The following LRRTM3 variants were observed in gnomAD, a reference collection of about 807,000 sequenced individuals.
LRRTM3 encodes the protein leucine rich repeat transmembrane neuronal 3, also known as leucine-rich repeat transmembrane neuronal protein 3.
In LRRTM3, 24 loss-of-function variants were observed where a neutral mutation model predicts 44.7. That is an observed-to-expected ratio of 0.54 (90% CI 0.39 to 0.76). LRRTM3 has a LOEUF of 0.76. Ranked by LOEUF, LRRTM3 falls within the 30% of genes least tolerant of loss-of-function variation. The pLI is 0.00. For missense variants in LRRTM3, 587 were observed against 702.2 expected, an observed-to-expected ratio of 0.84 and a Z score of 1.85; for synonymous variants, 277 against 278.7, an observed-to-expected ratio of 0.99 and a Z score of 0.06.
At chr10:67,022,810 C>T (rs1379004271) in intron 2 of LRRTM3, among the ~76,000 whole-genome samples, 8 of 151,858 alleles carry the variant, frequency 5.3e-5, no homozygotes, top group African/African-American at 1.5e-4. Context: ...TGGTGGTGCA[C>T]GCCTATAATC....
At position 67,041,198 on chromosome 10, in the gene LRRTM3, A is replaced by T. The variant is rs376444295; in HGVS notation, c.1537-56389A>T. Among the ~76,000 whole-genome samples the T allele has an allele frequency of 1.6e-4, 24 of 152,184 alleles. No individual in the cohort carries two copies. In the South Asian group the frequency reaches 3.9e-3, roughly 25 times the overall value. On this transcript the variant is annotated intron_variant, in intron 2 of 2. Coordinates refer to ENST00000361320, the MANE Select transcript of LRRTM3 (RefSeq NM_178011.5). ...TGCCAGAGCAAATAGTACTGAAGAAAATCAAACTTGTCAGAATAGATTTTC... is the reference window on the plus strand; with the variant it reads ...TGCCAGAGCAAATAGTACTGAAGAATATCAAACTTGTCAGAATAGATTTTC...
At chr10:66,977,813 C>T (rs1016230501) in intron 2 of LRRTM3, among the ~76,000 whole-genome samples, 2 of 152,182 alleles carry the variant, frequency 1.3e-5, no homozygotes, top group Non-Finnish European at 2.9e-5. Context: ...CCAATTGTCA[C>T]TAAAGATATG....
intron 2 of LRRTM3, among the ~76,000 whole-genome samples, chr10:67,018,697 C>T (rs529751530): frequency 6.6e-6 from 1 of 152,314 alleles, no homozygotes; most frequent in East Asian, 1.9e-4. Context: ...CTCTCTGTGC[C>T]TCAGTTTCCT....
At chr10:66,998,534 T>C (rs1332950845) in intron 2 of LRRTM3, among the ~76,000 whole-genome samples, 3 of 151,842 alleles carry the variant, frequency 2.0e-5, no homozygotes, top group African/African-American at 4.8e-5. Flanking sequence ...CACAGAAAAG[T>C]TGAAAATAAA....
chr10:66,935,863 T>G (rs1847667163), intron 2 of LRRTM3, among the ~76,000 whole-genome samples: 1 of 150,634 alleles, frequency 6.6e-6, no homozygotes, highest in Non-Finnish European at 1.5e-5. Context: ...CCTATACATT[T>G]TCACTTCTTT....
chr10:66,929,131 C>G (rs552278353), intron 2 of LRRTM3, among the ~76,000 whole-genome samples: 1 of 152,168 alleles, frequency 6.6e-6, no homozygotes, highest in Non-Finnish European at 1.5e-5. Flanking sequence ...GAGGAGATGA[C>G]AAAAATGTAA....
intron 2 of LRRTM3, among the ~76,000 whole-genome samples, chr10:67,014,505 T>A (rs537230691): frequency 6.1e-4 from 93 of 152,254 alleles, no homozygotes; most frequent in Admixed American, 3.1e-3. Context: ...CAAAATTAGT[T>A]TTTAGATTAA....
At chr10:66,941,421 G>A (rs1325266892) in intron 2 of LRRTM3, among the ~76,000 whole-genome samples, 2 of 152,158 alleles carry the variant, frequency 1.3e-5, no homozygotes, top group East Asian at 1.9e-4. Flanking sequence ...AATATCTTAG[G>A]TTCCTCTCAA....
intron 2 of LRRTM3, among the ~76,000 whole-genome samples, chr10:66,949,383 C>A (rs1467714959): frequency 1.3e-5 from 2 of 152,020 alleles, no homozygotes; most frequent in Non-Finnish European, 2.9e-5. Context: ...ATGGAGAAAC[C>A]CCGTCTCTAC....
intron 2 of LRRTM3, among the ~76,000 whole-genome samples, chr10:67,009,138 C>A (rs533385880): frequency 2.0e-4 from 30 of 152,126 alleles, no homozygotes; most frequent in Non-Finnish European, 2.9e-5. Flanking sequence ...TATTTATTAA[C>A]CTTACCGTGA....
chr10:66,946,224 A>G (rs909799117), intron 2 of LRRTM3, among the ~76,000 whole-genome samples: 1 of 152,120 alleles, frequency 6.6e-6, no homozygotes, highest in Non-Finnish European at 1.5e-5. Context: ...TCTGTGAGAA[A>G]ATAGAGAGGG....
intron 2 of LRRTM3, among the ~76,000 whole-genome samples, chr10:67,020,193 C>A (rs1852916067): frequency 6.6e-6 from 1 of 152,036 alleles, no homozygotes; most frequent in African/African-American, 2.4e-5. Flanking sequence ...ATGGGTGAGC[C>A]ACCTCAATCT....
In LRRTM3 at chr10:66,926,317, C is replaced by T; in HGVS notation, c.-267C>T. 1 of 474,608 alleles carries T rather than the reference C, an allele frequency of 2.1e-6. No individual in the cohort carries two copies. The highest frequency in any genetic ancestry group is 4.1e-5 in the East Asian group (1 of 24,262). 29.4% of individuals were successfully genotyped at this position (474,608 alleles called of 1,614,324 possible). A position where few individuals can be genotyped will look rare whatever the true frequency, so the allele number is the denominator to read the frequency against. ...CCAAAAAACTGTAAAGATGCAAAAA[C>T]GTAATATCCATGAAGATCCTATTAC... On this transcript the variant is annotated 5_prime_UTR_variant, in exon 1 of 3. In the 5' UTR this introduces an upstream ATG that the reference lacks. Transcript: ENST00000361320.
intron 2 of LRRTM3, among the ~76,000 whole-genome samples, chr10:67,061,403 G>A (rs1925590): frequency 0.78 from 118,732 of 152,134 alleles, 47,339 homozygotes; most frequent in African/African-American, 0.95. Flanking sequence ...TTTAGATGTG[G>A]TATCAGAGTT....
In LRRTM3 at chr10:66,943,763, G is replaced by A. The variant is rs138089885; in HGVS notation, c.1536+15311G>A. On this transcript the variant is annotated intron_variant, in intron 2 of 2. Transcript: ENST00000361320. The stretch of plus-strand genomic sequence containing the variant: ...AGAACCCCACCATAAAGTGCATATC[G>A]CAATAAAATGAGTCACACAAATTTT... Among the ~76,000 whole-genome samples the A allele has an allele frequency of 9.3e-3, 1,422 of 152,160 alleles. 94 individuals are homozygous for A. Among genetic ancestry groups the A allele is most frequent in the Admixed American group, 0.082 (1,253 of 15,278 alleles).
chr10:67,036,202 G>C (rs1854042787), intron 2 of LRRTM3, among the ~76,000 whole-genome samples: 1 of 151,528 alleles, frequency 6.6e-6, no homozygotes, highest in South Asian at 2.1e-4. Flanking sequence ...ACTCAGGCTG[G>C]AGTACAGTGG....
chr10:66,963,430 T>C (rs1345005591), intron 2 of LRRTM3, among the ~76,000 whole-genome samples: 2 of 152,178 alleles, frequency 1.3e-5, no homozygotes, highest in African/African-American at 4.8e-5. Context: ...TCCTGGGCAC[T>C]TGAAAAAGAT....
chr10:66,967,341 T>C (rs554906872), intron 2 of LRRTM3, among the ~76,000 whole-genome samples: 3 of 141,448 alleles, frequency 2.1e-5, no homozygotes, highest in African/African-American at 7.5e-5. Flanking sequence ...GACATATATA[T>C]ATATAGATAG....
At chr10:67,029,793 A>G (rs932758482) in intron 2 of LRRTM3, among the ~76,000 whole-genome samples, 7 of 152,316 alleles carry the variant, frequency 4.6e-5, no homozygotes, top group Admixed American at 4.6e-4. Context: ...GTAGCCACTA[A>G]CCTCATGTAC....
Sources: allele counts gnomAD v4.1 joint callset (sites outside exome capture counted in the v4.1 genomes callset), GRCh38; gene constraint gnomAD v4.1.1; transcripts MANE v1.5; gene names NCBI Gene and HGNC (gene_info 2026-07-23, HGNC 2026-07-21).